PCLO: variants seen among roughly 807,000 people sequenced by gnomAD.
PCLO encodes the protein protein piccolo.
Under a neutral mutation model 427.5 loss-of-function variants are expected in PCLO, and 82 were observed. That is an observed-to-expected ratio of 0.19 (90% CI 0.16 to 0.23). The LOEUF (loss-of-function observed/expected upper bound fraction) is 0.23, where lower values mean the gene tolerates loss of function less well. Among genes scored for constraint, PCLO ranks in the 10% least tolerant of loss-of-function variants. The probability of loss-of-function intolerance (pLI) is 1.00; values close to 1 mark genes in which losing one functional copy is unlikely to be tolerated. For synonymous variants in PCLO, 2,357 were observed against 2,155.4 expected, an observed-to-expected ratio of 1.09 and a Z score of -2.59; for missense variants, 6,239 against 6,115.9, an observed-to-expected ratio of 1.02 and a Z score of -0.67.
chr7:83,127,356 T>A (rs1460129779), intron 3 of PCLO, among the ~76,000 whole-genome samples: 1 of 151,980 alleles, frequency 6.6e-6, no homozygotes, highest in African/African-American at 2.4e-5. Context: ...GTTTTAAAAA[T>A]GTCAAATCCT....
intron 22 of PCLO, among the ~76,000 whole-genome samples, chr7:82,763,738 A>G (rs891007380): frequency 4.6e-5 from 7 of 152,112 alleles, no homozygotes; most frequent in Non-Finnish European, 5.9e-5. Context: ...ATTATCTTCT[A>G]TAAGTTTTAT....
At chr7:83,048,014 G>A (rs1042285927) in intron 3 of PCLO, among the ~76,000 whole-genome samples, 2 of 151,982 alleles carry the variant, frequency 1.3e-5, no homozygotes, top group African/African-American at 4.8e-5. Flanking sequence ...GTTTCAGAAT[G>A]GAGTTTCAAT....
At chr7:82,794,450 A>ATTTTTTTTTTTTT (rs141105612) in intron 22 of PCLO, among the ~76,000 whole-genome samples, 11 of 62,070 alleles carry the variant, frequency 1.8e-4, no homozygotes, top group East Asian at 1.1e-3. Flanking sequence ...TAGTTCATAA[A>ATTTTTTTTTTTTT]TTTTTTTTCT....
chr7:83,038,069 ATATTTATATATATATCTT>A (rs1217823468), intron 3 of PCLO, among the ~76,000 whole-genome samples: 1 of 56,158 alleles, frequency 1.8e-5, no homozygotes, highest in African/African-American at 6.3e-5. Context: ...ATATATTTAT[ATATTTATATATATATCTT>A]TATATATATA....
intron 20 of PCLO, among the ~76,000 whole-genome samples, chr7:82,816,032 A>G (rs2115601744): frequency 6.6e-6 from 1 of 152,138 alleles, no homozygotes; most frequent in East Asian, 1.9e-4. Flanking sequence ...TTAGTGATTC[A>G]TTATATATTT....
chr7:82,840,289 C>A (rs7779456), intron 14 of PCLO, among the ~76,000 whole-genome samples: 2,436 of 152,060 alleles, frequency 0.016, 73 homozygotes, highest in African/African-American at 0.056. Context: ...TTCTTAGTAA[C>A]GTGTCAACCT....
At chr7:83,128,615 G>A (rs945447718) in intron 3 of PCLO, among the ~76,000 whole-genome samples, 2 of 151,994 alleles carry the variant, frequency 1.3e-5, no homozygotes, top group African/African-American at 4.8e-5. Flanking sequence ...ACAAAAAAAA[G>A]ACTATACAGA....
chr7:82,917,921 A>T lies in PCLO; in HGVS notation c.11113-1048T>A, dbSNP rs544660004. Among the ~76,000 whole-genome samples the T allele has an allele frequency of 5.7e-4, 86 of 152,024 alleles. 1 individual carries two copies. Among genetic ancestry groups the T allele is most frequent in the African/African-American group, 1.8e-3 (75 of 41,538 alleles). On this transcript the variant is annotated intron_variant, in intron 6 of 24. Transcript: ENST00000333891. ...CATTTTTCCAAGACTCTGTACTTTCATTGCCTTTTTATTATTTCCAAATTA... is the reference window on the plus strand; with the variant it reads ...CATTTTTCCAAGACTCTGTACTTTCTTTGCCTTTTTATTATTTCCAAATTA...
chr7:82,868,648 C>T (rs1026674200), intron 10 of PCLO, among the ~76,000 whole-genome samples: 2 of 152,128 alleles, frequency 1.3e-5, no homozygotes, highest in Non-Finnish European at 2.9e-5. Flanking sequence ...AGTCTTATGG[C>T]CTTGGACGTG....
At chr7:82,914,501 G>A (rs1232492262) in intron 7 of PCLO, 185 bp downstream of exon 7, 2 of 668,524 alleles carry the variant, frequency 3.0e-6, no homozygotes, top group Admixed American at 2.6e-5. Context: ...ACTAAATAAA[G>A]AAAAGCATGC....
intron 3 of PCLO, among the ~76,000 whole-genome samples, chr7:83,005,524 T>C (rs1787924360): frequency 6.6e-6 from 1 of 151,592 alleles, no homozygotes; most frequent in African/African-American, 2.4e-5. Flanking sequence ...TTAATTGCAA[T>C]GTATTGTATA....
chr7:83,094,832 A>G (rs1029095787), intron 3 of PCLO, among the ~76,000 whole-genome samples: 3 of 152,198 alleles, frequency 2.0e-5, no homozygotes, highest in African/African-American at 7.2e-5. Context: ...TCTAGAGAGT[A>G]TAATTCTTTT....
intron 10 of PCLO, among the ~76,000 whole-genome samples, chr7:82,872,038 T>C (rs1054666220): frequency 1.3e-5 from 2 of 151,950 alleles, no homozygotes; most frequent in Non-Finnish European, 2.9e-5. Context: ...AAGAATAATA[T>C]ATTTAAGACT....
intron 3 of PCLO, among the ~76,000 whole-genome samples, chr7:82,990,485 T>G (rs890090701): frequency 1.3e-5 from 2 of 152,140 alleles, no homozygotes; most frequent in African/African-American, 4.8e-5. Flanking sequence ...AGGAGGATTC[T>G]AAATTGGTTC....
intron 3 of PCLO, among the ~76,000 whole-genome samples, chr7:83,089,645 C>A (rs1421812177): frequency 6.6e-6 from 1 of 152,170 alleles, no homozygotes; most frequent in Non-Finnish European, 1.5e-5. Context: ...ATATGTCCTT[C>A]CACTTACTTG....
In PCLO at chr7:82,953,966, T is replaced by C. The variant is rs1413441643; in HGVS notation, c.6987A>G (p.Glu2329=). Residue 2329 remains glutamate, a synonymous_variant, in exon 5 of 25, where the codon GAA becomes GAG. Coordinates refer to ENST00000333891, the MANE Select transcript of PCLO (RefSeq NM_033026.6). The part of the protein sequence containing the change: ...AYRDKKELEA[E]RTKSSLSETV... ...TTTCGGATAAGCTACTTTTTGTTCG[T>C]TCGGCCTCCAACTCCTTTTTATCTC... 3 of 1,613,836 alleles carry C rather than the reference T, an allele frequency of 1.9e-6. No individual in the cohort carries two copies. The highest frequency in any genetic ancestry group is 1.3e-5 in the African/African-American group (1 of 74,914).
At chr7:82,965,636 A>G (rs1795748852) in intron 4 of PCLO, 135 bp downstream of exon 4, 1 of 611,654 alleles carries the variant, frequency 1.6e-6, no homozygotes, top group Non-Finnish European at 2.8e-6. Flanking sequence ...AACAAGTGTT[A>G]TACTTCTTTA....
intron 3 of PCLO, among the ~76,000 whole-genome samples, chr7:83,109,848 A>C (rs889097478): frequency 2.0e-5 from 3 of 152,032 alleles, no homozygotes; most frequent in Admixed American, 2.0e-4. Flanking sequence ...TTCTCCAAAT[A>C]ATAATCAGCT....
chr7:83,112,613 T>C (rs1456161040), intron 3 of PCLO, among the ~76,000 whole-genome samples: 2 of 152,200 alleles, frequency 1.3e-5, no homozygotes, highest in Non-Finnish European at 2.9e-5. Flanking sequence ...TGTCAGCAGT[T>C]TTCTAAGGCT....
Sources: allele counts gnomAD v4.1 joint callset (sites outside exome capture counted in the v4.1 genomes callset), GRCh38; gene constraint gnomAD v4.1.1; transcripts MANE v1.5; gene names NCBI Gene and HGNC (gene_info 2026-07-23, HGNC 2026-07-21).